TLK1: variants seen among roughly 807,000 people sequenced by gnomAD.
TLK1 encodes the protein serine/threonine-protein kinase tousled-like 1.
In TLK1, 24 loss-of-function variants were observed where a neutral mutation model predicts 105.3. The observed-to-expected ratio is 0.23, with a 90% CI of 0.17 to 0.32. The LOEUF (loss-of-function observed/expected upper bound fraction) is 0.32. TLK1 is among the 10% of genes least tolerant of loss of function. The probability of loss-of-function intolerance (pLI) is 1.00; values close to 1 mark genes in which losing one functional copy is unlikely to be tolerated. For synonymous variants in TLK1, 321 were observed against 310.4 expected, an observed-to-expected ratio of 1.03 and a Z score of -0.36; for missense variants, 558 against 910.5, an observed-to-expected ratio of 0.61 and a Z score of 4.98.
chr2:171,161,616 G>A (rs770368567), upstream of TLK1, among the ~76,000 whole-genome samples: 3 of 152,188 alleles, frequency 2.0e-5, no homozygotes, highest in Non-Finnish European at 4.4e-5. Flanking sequence ...TTTTAAAACA[G>A]TAAGTGGAAA....
At chr2:171,209,797 A>G (rs565329352) in intron 1 of TLK1, among the ~76,000 whole-genome samples, 179 of 152,362 alleles carry the variant, frequency 1.2e-3, no homozygotes, top group Non-Finnish European at 2.2e-3. Context: ...TCTACAAGCC[A>G]AGAAGAGAGA....
chr2:171,126,634 G>GA (rs1046885100), intron 1 of TLK1, among the ~76,000 whole-genome samples: 51 of 152,162 alleles, frequency 3.4e-4, no homozygotes, highest in African/African-American at 1.0e-3. Flanking sequence ...CCAAAAAGGT[G>GA]AAAAAGAGTT....
At chr2:171,205,454 C>G (rs184324869) in intron 1 of TLK1, among the ~76,000 whole-genome samples, 211 of 152,042 alleles carry the variant, frequency 1.4e-3, no homozygotes, top group African/African-American at 4.1e-3. Context: ...TTCTGAATAG[C>G]TGGGACTACA....
At chr2:171,005,571 C>A (rs1201125720) in intron 18 of TLK1, among the ~76,000 whole-genome samples, 1 of 152,112 alleles carries the variant, frequency 6.6e-6, no homozygotes, top group Non-Finnish European at 1.5e-5. Context: ...GACCTGGTCT[C>A]TACAAAAAGT....
chr2:171,123,057 TACACACAC>T (rs71008752), intron 1 of TLK1, among the ~76,000 whole-genome samples: 24 of 141,330 alleles, frequency 1.7e-4, no homozygotes, highest in East Asian at 6.3e-4. Context: ...AATAAATAAA[TACACACAC>T]ACACACACAC....
At chr2:171,038,237 T>C (rs990840602) in intron 11 of TLK1, among the ~76,000 whole-genome samples, 2 of 152,202 alleles carry the variant, frequency 1.3e-5, no homozygotes, top group African/African-American at 4.8e-5. Flanking sequence ...ATCATATCAA[T>C]TGTATCAGGT....
chr2:171,030,842 T>A (rs1336474842), intron 11 of TLK1, among the ~76,000 whole-genome samples: 1 of 152,180 alleles, frequency 6.6e-6, no homozygotes, highest in Non-Finnish European at 1.5e-5. Context: ...AGTACATGAC[T>A]TGAGTTACTT....
rs939335161 is a variant in TLK1, at chr2:171,117,955, A to C, written c.140-98T>G. The C allele has an allele frequency of 7.6e-6, 6 of 789,636 alleles. No individual in the cohort carries two copies. In the African/African-American group the frequency reaches 1.1e-4, roughly 14 times the overall value. The allele number at this position is 789,636 out of a possible 1,614,324, so 48.9% of individuals were successfully genotyped here. On this transcript the variant is annotated intron_variant, in intron 1 of 20. Transcript: ENST00000431350. ...TATATGTGATTAGTTAAGATGTTAA[A>C]AATTTAGGAATGAATGCTACAAGCA...
intron 8 of TLK1, among the ~76,000 whole-genome samples, chr2:171,051,485 A>G (rs1687234673): frequency 6.6e-6 from 1 of 152,056 alleles, no homozygotes; most frequent in Admixed American, 6.6e-5. Flanking sequence ...CCCTCCTGTT[A>G]TCTGCTTAGA....
chr2:171,192,366 G>T (rs971479258), intron 1 of TLK1, among the ~76,000 whole-genome samples: 1 of 152,108 alleles, frequency 6.6e-6, no homozygotes, highest in African/African-American at 2.4e-5. Context: ...ACCCTCCAAA[G>T]GGCATTTGGA....
At chr2:171,000,032 C>A (rs563789915) in intron 18 of TLK1, among the ~76,000 whole-genome samples, 1 of 152,160 alleles carries the variant, frequency 6.6e-6, no homozygotes, top group Non-Finnish European at 1.5e-5. Context: ...CATGAGTGAG[C>A]CCCCATACCT....
intron 2 of TLK1, among the ~76,000 whole-genome samples, chr2:171,102,262 C>G (rs993036489): frequency 1.3e-5 from 2 of 152,110 alleles, no homozygotes; most frequent in African/African-American, 4.8e-5. Context: ...AAGAATTTAT[C>G]TAGCATCACA....
intron 3 of TLK1, among the ~76,000 whole-genome samples, chr2:171,078,643 A>G (rs1233533634): frequency 6.6e-6 from 1 of 152,226 alleles, no homozygotes; most frequent in East Asian, 1.9e-4. Context: ...CGCACAGAAC[A>G]GTTTGAGAAC....
Position 170,999,827 on chromosome 2 carries a change from C to T in TLK1, c.1905-2004G>A, listed in dbSNP as rs13423178. Among the ~76,000 whole-genome samples the T allele has an allele frequency of 3.5e-3, 536 of 152,086 alleles. 6 individuals carry two copies. Among genetic ancestry groups the T allele is most frequent in the African/African-American group, 0.012 (489 of 41,474 alleles). The stretch of plus-strand genomic sequence containing the variant: ...CAGGCTGAGTGCAGTGGTGCGATCA[C>T]GGCTCACTGCAGCCTCGATCTCCAA... On this transcript the variant is annotated intron_variant, in intron 18 of 20. Transcript: ENST00000431350.
intron 14 of TLK1, 27 bp downstream of exon 14, chr2:171,011,344 TAA>T: frequency 6.4e-7 from 1 of 1,559,704 alleles, no homozygotes; most frequent in Non-Finnish European, 8.8e-7. Context: ...TACATTAGTG[TAA>T]AAAAAACAGA....
rs926943292 is a variant in TLK1 at position 171,060,071 on chromosome 2, G to A, written c.406+1010C>T. The A allele has an allele frequency of 8.1e-5, 128 of 1,578,144 alleles. 2 individuals are homozygous for A. In the Middle Eastern group the frequency reaches 1.5e-3, roughly 19 times the overall value. ...AGGGGGGAAAAAACACTGAAAGCCA[G>A]ACTAAAGCAAATATAAGTGAGGAAG... On this transcript the variant is annotated intron_variant, in intron 4 of 20. Transcript: ENST00000431350.
intron 18 of TLK1, 65 bp downstream of exon 18, chr2:171,006,082 C>A: frequency 2.2e-6 from 3 of 1,388,828 alleles, no homozygotes; most frequent in Middle Eastern, 1.9e-4. Context: ...AAAAAAAACA[C>A]TAAATTATTA....
intron 19 of TLK1, 57 bp downstream of exon 19, chr2:170,997,655 G>C: frequency 5.0e-6 from 6 of 1,197,676 alleles, no homozygotes; most frequent in Non-Finnish European, 5.7e-6. Flanking sequence ...TTTTAAGAAG[G>C]AAAAATTCAA....
intron 3 of TLK1, chr2:171,066,960 A>G: frequency 6.5e-7 from 1 of 1,542,214 alleles, no homozygotes; most frequent in Admixed American, 2.0e-5. Context: ...TGGCATTTTG[A>G]AAGTGCTTGT....
Sources: allele counts gnomAD v4.1 joint callset (sites outside exome capture counted in the v4.1 genomes callset), GRCh38; gene constraint gnomAD v4.1.1; transcripts MANE v1.5; gene names NCBI Gene and HGNC (gene_info 2026-07-23, HGNC 2026-07-21).